KIDINS220: variants seen among roughly 807,000 people sequenced by gnomAD.
KIDINS220 encodes kinase D interacting substrate 220.
A neutral mutation model predicts 157.6 loss-of-function variants in KIDINS220; 63 were observed. That is an observed-to-expected ratio of 0.40 (90% CI 0.33 to 0.49). The LOEUF (loss-of-function observed/expected upper bound fraction) is 0.49. Among genes scored for constraint, KIDINS220 ranks in the 20% least tolerant of loss-of-function variants. KIDINS220 has a pLI of 0.66. For synonymous variants in KIDINS220, 732 were observed against 783.6 expected (o/e 0.93, Z 1.10); for missense variants, 1,772 against 2,171.2 (o/e 0.82, Z 3.65).
In KIDINS220 at chr2:8,747,229, G is replaced by A. The variant is rs1337372529; in HGVS notation, c.3529-28C>T. 5.0e-6 allele frequency: 8 copies of A among 1,608,940 alleles called. No homozygotes were observed. In the South Asian group the frequency reaches 8.8e-5, roughly 18 times the overall value. On this transcript the variant is annotated intron_variant, in intron 25 of 29. Coordinates refer to ENST00000256707, the MANE Select transcript of KIDINS220 (RefSeq NM_020738.4). ...AACAACACAAAACAGGAGAGTGTGG[G>A]TGAAAAGGGGAAGGGGGGAGCCAAA...
chr2:8,814,712 T>G (rs548662951), intron 4 of KIDINS220, among the ~76,000 whole-genome samples: 1 of 152,328 alleles, frequency 6.6e-6, no homozygotes, highest in South Asian at 2.1e-4. Flanking sequence ...TGTCAAAGTA[T>G]CTTCCCCCAA....
chr2:8,826,917 C>G, intron 2 of KIDINS220, 69 bp downstream of exon 2: 1 of 816,652 alleles, frequency 1.2e-6, no homozygotes, highest in Non-Finnish European at 2.1e-6. Context: ...TTACACACTT[C>G]TATCCTATAC....
chr2:8,776,591 C>T (rs947060460), intron 21 of KIDINS220, among the ~76,000 whole-genome samples, 157 bp downstream of exon 21: 2 of 152,136 alleles, frequency 1.3e-5, no homozygotes, highest in South Asian at 4.1e-4. Flanking sequence ...ATTGTCAAAA[C>T]TAAAACTGAC....
At chr2:8,735,022 T>C (rs746767269) in intron 27 of KIDINS220, among the ~76,000 whole-genome samples, 3 of 152,206 alleles carry the variant, frequency 2.0e-5, no homozygotes, top group Non-Finnish European at 4.4e-5. Flanking sequence ...AAACTACCTA[T>C]GCTGTCATGA....
intron 17 of KIDINS220, 119 bp from the exon 18 acceptor site, chr2:8,779,933 G>T: frequency 9.9e-7 from 1 of 1,007,350 alleles, no homozygotes; most frequent in Non-Finnish European, 1.4e-6. Context: ...CAAAGTCCTT[G>T]CTGCCAGTTG....
intron 26 of KIDINS220, among the ~76,000 whole-genome samples, chr2:8,743,698 G>GTC (rs1665952859): frequency 6.6e-6 from 1 of 152,148 alleles, no homozygotes; most frequent in African/African-American, 2.4e-5. Flanking sequence ...TGTCCCTCAG[G>GTC]TAAGTCTCAC....
Position 8,806,257 on chromosome 2 carries a change from TATAAG to T in KIDINS220, c.603+9_603+13del, listed in dbSNP as rs1675438766. Reference sequence around the variant, plus strand: ...ATGTTTCTATTGCCAAGCATTAAAATATAAGATACTTACAGCTCCTTCTTGATCCA... The same window carrying T: ...ATGTTTCTATTGCCAAGCATTAAAATATACTTACAGCTCCTTCTTGATCCA... On this transcript the variant is annotated intron_variant, in intron 7 of 29. Coordinates refer to ENST00000256707, the MANE Select transcript of KIDINS220 (RefSeq NM_020738.4). 3.2e-6 allele frequency: 5 copies of T among 1,550,036 alleles called. No individual in the cohort carries two copies. The highest frequency in any genetic ancestry group is 4.4e-6 in the Non-Finnish European group (5 of 1,135,956).
At chr2:8,763,942 T>C (rs1262649446) in intron 22 of KIDINS220, among the ~76,000 whole-genome samples, 1 of 152,200 alleles carries the variant, frequency 6.6e-6, no homozygotes, top group Non-Finnish European at 1.5e-5. Flanking sequence ...CACTTGCACA[T>C]ATATGTTTAT....
At chr2:8,733,127 C>T (rs1360448627) in intron 29 of KIDINS220, among the ~76,000 whole-genome samples, 4 of 152,186 alleles carry the variant, frequency 2.6e-5, no homozygotes, top group Non-Finnish European at 4.4e-5. Context: ...ACAGGAAGAT[C>T]GCCTGAGAAA....
intron 26 of KIDINS220, among the ~76,000 whole-genome samples, chr2:8,741,649 GT>G (rs1665643711): frequency 6.6e-6 from 1 of 151,914 alleles, no homozygotes; most frequent in East Asian, 1.9e-4. Context: ...ACATAATTTT[GT>G]TGTTTTTAAA....
At chr2:8,798,867 C>A (rs1292486435) in intron 9 of KIDINS220, among the ~76,000 whole-genome samples, 1 of 152,072 alleles carries the variant, frequency 6.6e-6, no homozygotes, top group East Asian at 1.9e-4. Flanking sequence ...AACAAAAAAA[C>A]GAACTCAAAC....
At chr2:8,819,677 T>C (rs1677622037) in intron 2 of KIDINS220, among the ~76,000 whole-genome samples, 1 of 151,756 alleles carries the variant, frequency 6.6e-6, no homozygotes, top group Non-Finnish European at 1.5e-5. Context: ...TACAAAAAAT[T>C]AGCCAGACGT....
intron 14 of KIDINS220, among the ~76,000 whole-genome samples, chr2:8,789,188 T>A (rs1172302938): frequency 6.7e-6 from 1 of 148,708 alleles, no homozygotes; most frequent in Non-Finnish European, 1.5e-5. Context: ...ATATTTTTTT[T>A]ATTTTGCTTT....
In KIDINS220 at chr2:8,747,219, G is replaced by T; in HGVS notation, c.3529-18C>A. The stretch of plus-strand genomic sequence containing the variant: ...ATAACTTCCTAACAACACAAAACAG[G>T]AGAGTGTGGGTGAAAAGGGGAAGGG... On this transcript the variant is annotated intron_variant, in intron 25 of 29. Transcript: ENST00000256707. 5 of 1,613,476 alleles carry T rather than the reference G, an allele frequency of 3.1e-6. No homozygotes were observed. The highest frequency in any genetic ancestry group is 4.2e-6 in the Non-Finnish European group (5 of 1,179,438).
Position 8,813,217 on chromosome 2 carries a change from A to T in KIDINS220, c.405+20T>A. The T allele has an allele frequency of 6.3e-7, 1 of 1,578,900 alleles. No homozygotes were observed. The highest frequency in any genetic ancestry group is 1.4e-5 in the African/African-American group (1 of 73,368). ...AACTTACCACTTATAATACAAACAAATTTTTTTGTTAATGCTTACCAGACC... is the reference window on the plus strand; with the variant it reads ...AACTTACCACTTATAATACAAACAATTTTTTTTGTTAATGCTTACCAGACC... On this transcript the variant is annotated intron_variant, in intron 5 of 29. Transcript: ENST00000256707.
At position 8,793,558 on chromosome 2, in the gene KIDINS220, G is replaced by C. The variant is rs111995835; in HGVS notation, c.1276+252C>G. Reference sequence around the variant, plus strand: ...TGGCTCAAGAGATCCTCCCACCTCAGCCTCCCAAGAAGCTAGGACTACAAG... The same window carrying C: ...TGGCTCAAGAGATCCTCCCACCTCACCCTCCCAAGAAGCTAGGACTACAAG... On this transcript the variant is annotated intron_variant, in intron 12 of 29. Coordinates refer to ENST00000256707, the MANE Select transcript of KIDINS220 (RefSeq NM_020738.4). 0.063 allele frequency among the ~76,000 whole-genome samples: 9,661 copies of C among 152,150 alleles called. 975 individuals are homozygous for C. The highest frequency in any genetic ancestry group is 0.21 in the African/African-American group (8,901 of 41,480).
chr2:8,748,056 A>G, intron 24 of KIDINS220, 56 bp from the exon 25 acceptor site: 1 of 1,035,352 alleles, frequency 9.7e-7, no homozygotes, highest in Non-Finnish European at 1.4e-6. Flanking sequence ...TGAAAGTGTA[A>G]TGAGATTTTT....
chr2:8,764,604 T>G (rs950760247), intron 22 of KIDINS220, among the ~76,000 whole-genome samples: 29 of 152,222 alleles, frequency 1.9e-4, no homozygotes, highest in African/African-American at 7.0e-4. Flanking sequence ...CAATGTGTAC[T>G]GAGAAGCTAC....
downstream of KIDINS220, chr2:8,725,014 A>G (rs1012541292): frequency 6.6e-6 from 1 of 152,182 alleles, no homozygotes; most frequent in South Asian, 2.1e-4. Flanking sequence ...TTCCCAATCT[A>G]TTGCTCTAAG....
Sources: allele counts gnomAD v4.1 joint callset (sites outside exome capture counted in the v4.1 genomes callset), GRCh38; gene constraint gnomAD v4.1.1; transcripts MANE v1.5; gene names NCBI Gene and HGNC (gene_info 2026-07-23, HGNC 2026-07-21).